AIG1: variants seen among roughly 807,000 people sequenced by gnomAD.
AIG1 encodes the protein androgen induced 1, also known as androgen-induced gene 1 protein.
A neutral mutation model predicts 31.4 loss-of-function variants in AIG1; 23 were observed. The ratio of observed to expected loss-of-function variants is 0.73; its 90% CI spans 0.53 to 1.04. The LOEUF (loss-of-function observed/expected upper bound fraction) is 1.04. AIG1 is among the 50% of genes least tolerant of loss of function. The pLI, the probability that AIG1 is intolerant of heterozygous loss-of-function variation, is 0.00. For synonymous variants in AIG1, 100 were observed against 110.5 expected, an observed-to-expected ratio of 0.90 and a Z score of 0.60; for missense variants, 274 against 295.0, an observed-to-expected ratio of 0.93 and a Z score of 0.52.
chr6:143,324,279 C>T (rs1252281113), intron 4 of AIG1, among the ~76,000 whole-genome samples: 1 of 152,212 alleles, frequency 6.6e-6, no homozygotes, highest in Non-Finnish European at 1.5e-5. Context: ...AAATTCTGAA[C>T]TCTGCGTTTT....
chr6:143,189,738 A>C, intron 3 of AIG1: 5 of 985,334 alleles, frequency 5.1e-6, no homozygotes, highest in Non-Finnish European at 6.0e-6. Context: ...CTCATCCCTA[A>C]TTTAGAGCCC....
chr6:143,333,132 C>T lies in AIG1; in HGVS notation c.516-150C>T. On this transcript the variant is annotated intron_variant, in intron 4 of 5. Transcript: ENST00000357847. The surrounding 1 kb of genome is among the most constrained non-coding windows in gnomAD (Gnocchi z 4.6). ...ATGAAAATAAACAGCAACCAAGTTT[C>T]CAGTAGCTCCTGAGTATCAGAAGCG... 1 of 670,196 alleles carries T rather than the reference C, an allele frequency of 1.5e-6. No individual in the cohort carries two copies. Among genetic ancestry groups the T allele is most frequent in the Non-Finnish European group, 2.3e-6 (1 of 428,744 alleles). The allele number at this position is 670,196 out of a possible 1,614,324, so 41.5% of individuals were successfully genotyped here. A position where few individuals can be genotyped will look rare whatever the true frequency, so the allele number is the denominator to read the frequency against.
Position 143,077,928 on chromosome 6 carries a change from T to C in AIG1, c.141+16862T>C, listed in dbSNP as rs113711069. ...ATATGTCTCTATCTACTGATGAGGA[T>C]CCTACTCCTTTAATACTACTGAAGA... On this transcript the variant is annotated intron_variant, in intron 1 of 5. Coordinates refer to ENST00000357847, the MANE Select transcript of AIG1 (RefSeq NM_016108.4). 1.3e-3 allele frequency among the ~76,000 whole-genome samples: 205 copies of C among 152,362 alleles called. 2 individuals carry two copies. Among genetic ancestry groups the C allele is most frequent in the South Asian group, 6.4e-3 (31 of 4,832 alleles).
At chr6:143,068,580 G>T (rs1393379629) in intron 1 of AIG1, among the ~76,000 whole-genome samples, 1 of 152,228 alleles carries the variant, frequency 6.6e-6, no homozygotes, top group Non-Finnish European at 1.5e-5. Flanking sequence ...AGGTCTGTCA[G>T]GTTGTGTTAT....
intron 1 of AIG1, among the ~76,000 whole-genome samples, chr6:143,124,911 G>A (rs1472903538): frequency 6.6e-6 from 1 of 152,086 alleles, no homozygotes; most frequent in Non-Finnish European, 1.5e-5. Context: ...GGGGATTATG[G>A]GGATTACAAT....
intron 3 of AIG1, among the ~76,000 whole-genome samples, chr6:143,274,180 C>T (rs1256203896): frequency 6.6e-6 from 1 of 150,494 alleles, no homozygotes; most frequent in Admixed American, 6.6e-5. Flanking sequence ...CAGTCAGCTC[C>T]CCTTCCCTCA....
intron 1 of AIG1, among the ~76,000 whole-genome samples, chr6:143,123,883 A>G (rs900737137): frequency 2.6e-5 from 4 of 152,242 alleles, no homozygotes; most frequent in African/African-American, 9.6e-5. Flanking sequence ...ATGTTCTACC[A>G]TATTTAAAAC....
rs943603136 is a variant in AIG1, at chr6:143,329,546, A to G, written c.516-3736A>G. 8.5e-5 allele frequency among the ~76,000 whole-genome samples: 13 copies of G among 152,220 alleles called. No homozygotes were observed. Among genetic ancestry groups the G allele is most frequent in the African/African-American group, 2.7e-4 (11 of 41,456 alleles). ...CATACAATAGTACGATGAGAATGCC[A>G]TGCTATATCTAGAATTGCTGAGAAG... is the stretch of plus-strand genomic sequence containing the variant. On this transcript the variant is annotated intron_variant, in intron 4 of 5. Coordinates refer to ENST00000357847, the MANE Select transcript of AIG1 (RefSeq NM_016108.4). This position sits in a 1 kb window ranked among gnomAD's most constrained non-coding sequence, Gnocchi z 4.9.
At chr6:143,074,201 T>A (rs1428612372) in intron 1 of AIG1, among the ~76,000 whole-genome samples, 1 of 152,252 alleles carries the variant, frequency 6.6e-6, no homozygotes, top group Admixed American at 6.5e-5. Flanking sequence ...GCCATTTGAT[T>A]TCATTGTTTC....
In AIG1 at chr6:143,141,259, A is replaced by G. The variant is rs75607988; in HGVS notation, c.297+4269A>G. On this transcript the variant is annotated intron_variant, in intron 2 of 5. Transcript: ENST00000357847. ...TTTCTCTCTCACCTCAGCTGAAACC[A>G]TGGCAGCAAGAAAGACATGGGTGGT... 3.2e-3 allele frequency among the ~76,000 whole-genome samples: 492 copies of G among 152,262 alleles called. 1 individual carries two copies. Among genetic ancestry groups the G allele is most frequent in the African/African-American group, 0.012 (478 of 41,530 alleles).
At chr6:143,278,851 A>G (rs567467461) in intron 3 of AIG1, among the ~76,000 whole-genome samples, 3 of 152,164 alleles carry the variant, frequency 2.0e-5, no homozygotes, top group Non-Finnish European at 4.4e-5. Context: ...AAAATAATCT[A>G]ATAAGATTAA....
chr6:143,214,720 C>A (rs1161829733), intron 3 of AIG1, among the ~76,000 whole-genome samples: 1 of 152,232 alleles, frequency 6.6e-6, no homozygotes, highest in South Asian at 2.1e-4. Context: ...GCCATGGTCC[C>A]TTCTGTTCTG....
chr6:143,276,987 G>A (rs528511142), intron 3 of AIG1, among the ~76,000 whole-genome samples: 2 of 152,278 alleles, frequency 1.3e-5, no homozygotes, highest in African/African-American at 4.8e-5. Flanking sequence ...CACTAATGCT[G>A]CGTTTTCCTG....
rs558907692 is a variant in AIG1, at chr6:143,233,473, A to T, written c.400-50637A>T. On this transcript the variant is annotated intron_variant, in intron 3 of 5. Coordinates refer to ENST00000357847, the MANE Select transcript of AIG1 (RefSeq NM_016108.4). ...AAACCATAGACAAGTTAAATTTAAC[A>T]GACTTTGATTGAGTAAAGAATGATT... Among the ~76,000 whole-genome samples, 5 of 152,076 alleles carry T rather than the reference A, an allele frequency of 3.3e-5. No individual in the cohort carries two copies. The East Asian group carries it at 9.7e-4, about 30-fold the overall frequency.
intron 2 of AIG1, among the ~76,000 whole-genome samples, chr6:143,142,331 C>G (rs1784310576): frequency 6.6e-6 from 1 of 152,166 alleles, no homozygotes; most frequent in East Asian, 1.9e-4. Context: ...GCCTCAGCCT[C>G]CTGAGTATCC....
chr6:143,162,482 A>T (rs2328456), intron 2 of AIG1, among the ~76,000 whole-genome samples: 1 of 152,058 alleles, frequency 6.6e-6, no homozygotes, highest in African/African-American at 2.4e-5. Context: ...GCCTATGATA[A>T]GCAGAATTCC....
intron 5 of AIG1, chr6:143,335,140 C>T: frequency 2.2e-6 from 3 of 1,392,440 alleles, no homozygotes; most frequent in Non-Finnish European, 2.8e-6. Context: ...TCCTCATTTA[C>T]AAGAGGGGTC....
In AIG1 at chr6:143,325,508, CTCA is replaced by C. The variant is rs1776537308; in HGVS notation, c.516-7768_516-7766del. Reference sequence around the variant, plus strand: ...TCAAACTCAACATGTCCAGACTGAACTCATCATCCCTTCAAACAGGCTCCCTTA... The same window carrying C: ...TCAAACTCAACATGTCCAGACTGAACTCATCCCTTCAAACAGGCTCCCTTA... On this transcript the variant is annotated intron_variant, in intron 4 of 5. Transcript: ENST00000357847. This position sits in a 1 kb window ranked among gnomAD's most constrained non-coding sequence, Gnocchi z 4.3. Among the ~76,000 whole-genome samples the C allele has an allele frequency of 6.6e-6, 1 of 152,280 alleles. No individual in the cohort carries two copies. Among genetic ancestry groups the C allele is most frequent in the South Asian group, 2.1e-4 (1 of 4,822 alleles).
At chr6:143,124,195 C>T (rs1782472738) in intron 1 of AIG1, among the ~76,000 whole-genome samples, 1 of 152,214 alleles carries the variant, frequency 6.6e-6, no homozygotes, top group African/African-American at 2.4e-5. Flanking sequence ...AGCATTTCTC[C>T]TTCACAGAAA....
Sources: allele counts gnomAD v4.1 joint callset (sites outside exome capture counted in the v4.1 genomes callset), GRCh38; gene constraint gnomAD v4.1.1; non-coding constraint Gnocchi (gnomAD v3.1); transcripts MANE v1.5; gene names NCBI Gene and HGNC (gene_info 2026-07-23, HGNC 2026-07-21).